The following TTLL11 variants were observed in gnomAD, a reference collection of about 807,000 sequenced individuals.
The protein encoded by TTLL11 is tubulin tyrosine ligase like 11.
In TTLL11, 42 loss-of-function variants were observed where a neutral mutation model predicts 51.7. The ratio of observed to expected loss-of-function variants is 0.81; its 90% CI spans 0.64 to 1.05. TTLL11 has a LOEUF of 1.05. Among genes scored for constraint, TTLL11 ranks in the 50% least tolerant of loss-of-function variants. The pLI is 0.00. For missense variants in TTLL11, 799 were observed against 940.4 expected (o/e 0.85, Z 1.97); for synonymous variants, 381 against 383.5 (o/e 0.99, Z 0.08).
intron 6 of TTLL11, among the ~76,000 whole-genome samples, chr9:121,968,375 T>C (rs1842465901): frequency 6.6e-6 from 1 of 152,224 alleles, no homozygotes; most frequent in Non-Finnish European, 1.5e-5. Flanking sequence ...TCTTGCTACC[T>C]GGAAACAGAA....
At chr9:121,837,619 G>T (rs1837217452) in intron 8 of TTLL11, among the ~76,000 whole-genome samples, 1 of 152,132 alleles carries the variant, frequency 6.6e-6, no homozygotes, top group African/African-American at 2.4e-5. Flanking sequence ...GCCACCATCT[G>T]CCATCAACCA....
At chr9:122,085,291 A>C (rs989922171) in intron 1 of TTLL11, among the ~76,000 whole-genome samples, 2 of 152,220 alleles carry the variant, frequency 1.3e-5, no homozygotes, top group East Asian at 1.9e-4. Context: ...AGTATGACAT[A>C]GGCACCAGGT....
At chr9:121,987,438 C>T (rs556382907) in intron 4 of TTLL11, among the ~76,000 whole-genome samples, 2 of 152,222 alleles carry the variant, frequency 1.3e-5, no homozygotes, top group South Asian at 2.1e-4. Context: ...AGTGTCTGGA[C>T]ACCACGTCTC....
intron 3 of TTLL11, among the ~76,000 whole-genome samples, chr9:122,030,039 G>C (rs941834706): frequency 6.6e-6 from 1 of 152,114 alleles, no homozygotes; most frequent in African/African-American, 2.4e-5. Context: ...GCTTGTGTAA[G>C]CACACTCTAT....
chr9:121,907,569 C>T (rs1003310746), intron 6 of TTLL11, among the ~76,000 whole-genome samples: 1 of 152,140 alleles, frequency 6.6e-6, no homozygotes, highest in Non-Finnish European at 1.5e-5. Flanking sequence ...TTCCACTAAT[C>T]AGAGAGCACC....
chr9:122,061,822 G>C (rs1845440908), intron 1 of TTLL11, among the ~76,000 whole-genome samples: 1 of 152,036 alleles, frequency 6.6e-6, no homozygotes, highest in Admixed American at 6.6e-5. Flanking sequence ...ATTTTTAGTA[G>C]AGATGGGGTT....
intron 2 of TTLL11, among the ~76,000 whole-genome samples, chr9:122,038,177 G>A (rs1034265066): frequency 1.3e-5 from 2 of 152,112 alleles, no homozygotes; most frequent in Non-Finnish European, 2.9e-5. Context: ...GATTCAGGGT[G>A]ATGTTCTTTT....
At chr9:121,929,307 G>A (rs1282522216) in intron 6 of TTLL11, among the ~76,000 whole-genome samples, 1 of 151,990 alleles carries the variant, frequency 6.6e-6, no homozygotes, top group East Asian at 1.9e-4. Flanking sequence ...GGGTGTGGTG[G>A]CGCACACCTG....
At chr9:121,982,749 T>C (rs1384171219) in intron 4 of TTLL11, among the ~76,000 whole-genome samples, 3 of 149,918 alleles carry the variant, frequency 2.0e-5, no homozygotes, top group Non-Finnish European at 4.4e-5. Context: ...ATAAGTCATG[T>C]TTGAATAGCT....
At chr9:122,058,195 C>T (rs1588245089) in intron 1 of TTLL11, among the ~76,000 whole-genome samples, 1 of 152,352 alleles carries the variant, frequency 6.6e-6, no homozygotes, top group Non-Finnish European at 1.5e-5. Flanking sequence ...GAGGCAGGAA[C>T]ACCTTCATGA....
intron 6 of TTLL11, among the ~76,000 whole-genome samples, chr9:121,961,381 G>T (rs1356202118): frequency 6.6e-6 from 1 of 151,896 alleles, no homozygotes; most frequent in Admixed American, 6.6e-5. Context: ...TCACTGCTTT[G>T]TAGGTTTAAA....
chr9:121,859,601 A>G (rs1274335461), intron 8 of TTLL11, among the ~76,000 whole-genome samples: 9 of 152,218 alleles, frequency 5.9e-5, no homozygotes, highest in Non-Finnish European at 1.5e-5. Context: ...TTCTCACAGA[A>G]CCCTTCACCA....
chr9:121,904,746 G>A (rs1225573514), intron 6 of TTLL11, among the ~76,000 whole-genome samples: 1 of 152,190 alleles, frequency 6.6e-6, no homozygotes, highest in Admixed American at 6.5e-5. Flanking sequence ...GAGACAACCT[G>A]ACCAGGATCC....
At chr9:121,899,393 A>ATATATG (rs1432353803) in intron 6 of TTLL11, among the ~76,000 whole-genome samples, 3 of 127,908 alleles carry the variant, frequency 2.3e-5, no homozygotes, top group African/African-American at 8.2e-5. Flanking sequence ...ATATATATAT[A>ATATATG]TATATATATA....
At chr9:122,044,401 A>G (rs1844943978) in intron 1 of TTLL11, among the ~76,000 whole-genome samples, 2 of 152,124 alleles carry the variant, frequency 1.3e-5, no homozygotes, top group South Asian at 4.2e-4. Context: ...GTCAAATGGT[A>G]TTTCTAGTTC....
chr9:121,934,586 G>A (rs73555626), intron 6 of TTLL11, among the ~76,000 whole-genome samples: 1 of 152,218 alleles, frequency 6.6e-6, no homozygotes, highest in African/African-American at 2.4e-5. Context: ...CTTAGTTTCA[G>A]GAACATGTCT....
At chr9:121,928,200 T>C (rs779441075) in intron 6 of TTLL11, among the ~76,000 whole-genome samples, 2 of 152,196 alleles carry the variant, frequency 1.3e-5, no homozygotes, top group Non-Finnish European at 2.9e-5. Context: ...AATCAGCTCC[T>C]CCTTGGTAAG....
intron 6 of TTLL11, among the ~76,000 whole-genome samples, chr9:121,872,092 T>C (rs546347383): frequency 2.0e-5 from 3 of 152,220 alleles, no homozygotes; most frequent in Non-Finnish European, 4.4e-5. Flanking sequence ...CTGTTAATGG[T>C]ACCAAGGCCT....
At chr9:121,915,197 G>A (rs1415351817) in intron 6 of TTLL11, among the ~76,000 whole-genome samples, 1 of 152,078 alleles carries the variant, frequency 6.6e-6, no homozygotes, top group Non-Finnish European at 1.5e-5. Flanking sequence ...CATGAAAAAA[G>A]TAAACAAAGG....
Sources: allele counts gnomAD v4.1 joint callset (sites outside exome capture counted in the v4.1 genomes callset), GRCh38; gene constraint gnomAD v4.1.1; transcripts MANE v1.5; gene names NCBI Gene and HGNC (gene_info 2026-07-23, HGNC 2026-07-21).